KAT6B: variants seen among roughly 807,000 people sequenced by gnomAD.
KAT6B encodes the protein histone acetyltransferase KAT6B.
In KAT6B, 10 loss-of-function variants were observed where a neutral mutation model predicts 187.5. The observed-to-expected ratio is 0.05, with a 90% CI of 0.03 to 0.09. KAT6B has a LOEUF of 0.09. KAT6B is among the 10% of genes least tolerant of loss of function. KAT6B has a pLI of 1.00. For missense variants in KAT6B, 1,952 were observed against 2,558.9 expected, an observed-to-expected ratio of 0.76 and a Z score of 5.12; for synonymous variants, 861 against 926.8, an observed-to-expected ratio of 0.93 and a Z score of 1.29.
At position 75,031,073 on chromosome 10, in the gene KAT6B, C is replaced by T. The variant is rs140303213; in HGVS notation, c.*27C>T. ...CAACGTGGGCAGTCCACAAAACCTA[C>T]GGGGCATCACTATTGGATTGATCTG... On this transcript the variant is annotated 3_prime_UTR_variant, in exon 18 of 18. Transcript: ENST00000287239. 3.9e-5 allele frequency: 63 copies of T among 1,612,628 alleles called. No individual in the cohort carries two copies. In the East Asian group the frequency reaches 8.9e-4, roughly 23 times the overall value.
chr10:75,029,387 G>C lies in KAT6B; in HGVS notation c.4563G>C (p.Lys1521Asn), dbSNP rs1299268973. 1.1e-5 allele frequency: 18 copies of C among 1,613,992 alleles called. No homozygotes were observed. Among genetic ancestry groups the C allele is most frequent in the Non-Finnish European group, 1.5e-5 (18 of 1,180,026 alleles). ...AGAAGCAGGACCAAAAGAACAGCAA[G>C]GAAGTCGATACAGAGTTCAAAGAGG... ...QAQKQDQKNS[K>N]EVDTEFKEGN... The change falls in exon 18 of 18, where the codon AAG (lysine) becomes AAC (asparagine). Residue 1521 changes from lysine to asparagine, a missense_variant. By Grantham distance (94) the Lys-to-Asn change is moderately conservative. Transcript: ENST00000287239. The surrounding 1 kb of genome is among the most constrained non-coding windows in gnomAD (Gnocchi z 6.2).
At position 75,022,093 on chromosome 10, in the gene KAT6B, G is replaced by A. The variant is rs143302091; in HGVS notation, c.3234G>A (p.Glu1078=). Residue 1078 remains glutamate, a synonymous_variant, in exon 16 of 18, where the codon GAG becomes GAA. Coordinates refer to ENST00000287239, the MANE Select transcript of KAT6B (RefSeq NM_012330.4). The part of the protein sequence containing the change: ...SSEEEEEEED[E]EEEEEEEEEE... ...AAGAAGAAGAGGAGGAGGAGGACGA[G>A]GAGGAGGAAGAAGAGGAGGAAGAAG... 3 of 1,607,424 alleles carry A rather than the reference G, an allele frequency of 1.9e-6. No homozygotes were observed. The highest frequency in any genetic ancestry group is 2.6e-6 in the Non-Finnish European group (3 of 1,174,498).
intron 3 of KAT6B, among the ~76,000 whole-genome samples, chr10:74,945,283 T>C (rs926638908): frequency 2.0e-5 from 3 of 152,226 alleles, no homozygotes; most frequent in Admixed American, 6.5e-5. Context: ...ACGGATTGTA[T>C]GATTTCATAT....
At chr10:74,836,545 C>T (rs757731694) in intron 1 of KAT6B, among the ~76,000 whole-genome samples, 2 of 152,204 alleles carry the variant, frequency 1.3e-5, no homozygotes, top group African/African-American at 2.4e-5. Flanking sequence ...TATAACCTCA[C>T]CTCCCAGTTC....
At chr10:75,017,292 A>T (rs952572353) in intron 13 of KAT6B, among the ~76,000 whole-genome samples, 1 of 152,018 alleles carries the variant, frequency 6.6e-6, no homozygotes, top group Admixed American at 6.5e-5. Flanking sequence ...CTTACCAAAA[A>T]TTTTTCTTCC....
chr10:74,828,774 A>G (rs1384676975), intron 1 of KAT6B, among the ~76,000 whole-genome samples: 1 of 151,738 alleles, frequency 6.6e-6, no homozygotes, highest in African/African-American at 2.4e-5. Flanking sequence ...TCACCGTGTT[A>G]GCCAGGATGG....
intron 3 of KAT6B, among the ~76,000 whole-genome samples, chr10:74,923,341 A>G (rs1255531289): frequency 6.6e-6 from 1 of 152,240 alleles, no homozygotes; most frequent in Non-Finnish European, 1.5e-5. Flanking sequence ...CACTGGGGAC[A>G]CAGCAGGGAG....
At chr10:75,000,768 A>G (rs1276172296) in intron 13 of KAT6B, among the ~76,000 whole-genome samples, 1 of 152,156 alleles carries the variant, frequency 6.6e-6, no homozygotes, top group East Asian at 1.9e-4. Context: ...GCAGTCCTTC[A>G]TGGAACAAGG....
chr10:74,964,531 C>T (rs376019001), intron 4 of KAT6B, among the ~76,000 whole-genome samples: 1 of 152,118 alleles, frequency 6.6e-6, no homozygotes, highest in Non-Finnish European at 1.5e-5. Flanking sequence ...AGATGTCTGT[C>T]GTGGCCCTGT....
chr10:74,850,390 T>C (rs1260300013), intron 3 of KAT6B, among the ~76,000 whole-genome samples: 1 of 152,252 alleles, frequency 6.6e-6, no homozygotes, highest in Admixed American at 6.5e-5. Flanking sequence ...AGTCTGTGTC[T>C]AATTAGATTG....
intron 15 of KAT6B, among the ~76,000 whole-genome samples, chr10:75,021,541 A>T (rs987074439): frequency 3.3e-5 from 5 of 152,330 alleles, no homozygotes; most frequent in Non-Finnish European, 5.9e-5. Context: ...AATCAGATCA[A>T]ATTCGGTGCT....
At chr10:74,898,378 A>G (rs900604578) in intron 3 of KAT6B, among the ~76,000 whole-genome samples, 2 of 152,110 alleles carry the variant, frequency 1.3e-5, no homozygotes, top group East Asian at 1.9e-4. Context: ...CACATAGCAC[A>G]TGACACAAAC....
chr10:74,949,564 C>G (rs1248182522), intron 3 of KAT6B, among the ~76,000 whole-genome samples: 1 of 152,208 alleles, frequency 6.6e-6, no homozygotes, highest in East Asian at 1.9e-4. Context: ...AAATGGCACA[C>G]CTGCCTGATT....
At position 75,029,285 on chromosome 10, in the gene KAT6B, T is replaced by G; in HGVS notation, c.4461T>G (p.Ser1487Arg). ...CGVDLTASCN[S>R]EPKELAGDPE... ...TCGACCTGACAGCTTCTTGTAACAG[T>G]GAGCCCAAGGAGCTTGCTGGGGACC... Residue 1487 changes from serine (S) to arginine (R), a missense_variant, in exon 18 of 18, where the codon AGT (serine) becomes AGG (arginine). Physicochemically the swap from Ser to Arg is moderately radical, Grantham distance 110. Transcript: ENST00000287239. This position sits in a 1 kb window ranked among gnomAD's most constrained non-coding sequence, Gnocchi z 6.2. 7 of 1,614,082 alleles carry G rather than the reference T, an allele frequency of 4.3e-6. No individual in the cohort carries two copies. The highest frequency in any genetic ancestry group is 5.9e-6 in the Non-Finnish European group (7 of 1,180,008).
At chr10:74,970,196 G>C in intron 6 of KAT6B, 95 bp downstream of exon 6, 1 of 927,964 alleles carries the variant, frequency 1.1e-6, no homozygotes, top group Non-Finnish European at 1.7e-6. Context: ...GGTTCTTTAA[G>C]CATTTTTTTC....
At chr10:74,948,182 C>A in intron 3 of KAT6B, among the ~76,000 whole-genome samples, 1 of 152,166 alleles carries the variant, frequency 6.6e-6, no homozygotes, top group East Asian at 1.9e-4. Flanking sequence ...ATTCTGCACA[C>A]CAGATGGTTT....
At chr10:74,987,690 T>C (rs1005068329) in intron 12 of KAT6B, among the ~76,000 whole-genome samples, 2 of 152,230 alleles carry the variant, frequency 1.3e-5, no homozygotes, top group Non-Finnish European at 2.9e-5. Flanking sequence ...TAGCTTAGAA[T>C]TTAGCTGTAG....
At chr10:74,847,826 A>G (rs562277161) in intron 3 of KAT6B, among the ~76,000 whole-genome samples, 2 of 152,138 alleles carry the variant, frequency 1.3e-5, no homozygotes, top group South Asian at 4.1e-4. Context: ...GGATCCACAA[A>G]TGAACTTGGG....
intron 3 of KAT6B, among the ~76,000 whole-genome samples, chr10:74,899,101 C>T (rs1176785391): frequency 6.7e-6 from 1 of 149,886 alleles, no homozygotes; most frequent in African/African-American, 2.5e-5. Flanking sequence ...GCGGAGGTTG[C>T]AGTGAGCTGA....
Sources: allele counts gnomAD v4.1 joint callset (sites outside exome capture counted in the v4.1 genomes callset), GRCh38; gene constraint gnomAD v4.1.1; non-coding constraint Gnocchi (gnomAD v3.1); transcripts MANE v1.5; gene names NCBI Gene and HGNC (gene_info 2026-07-23, HGNC 2026-07-21).